The following GLDC variants were observed in gnomAD, a reference collection of about 807,000 sequenced individuals.
GLDC encodes glycine decarboxylase, also known as glycine dehydrogenase (decarboxylating), mitochondrial.
Under a neutral mutation model 121.3 loss-of-function variants are expected in GLDC, and 104 were observed. The observed-to-expected ratio is 0.86, with a 90% confidence interval of 0.73 to 1.01. GLDC has a LOEUF of 1.01. Ranked by LOEUF, GLDC falls within the 50% of genes least tolerant of loss-of-function variation. The probability of loss-of-function intolerance (pLI) is 0.00; values close to 1 mark genes in which losing one functional copy is unlikely to be tolerated. For synonymous variants in GLDC, 546 were observed against 480.6 expected (o/e 1.14, Z -1.78); for missense variants, 1,429 against 1,306.6 (o/e 1.09, Z -1.44).
chr9:6,568,574 G>A (rs1474781139), intron 15 of GLDC, among the ~76,000 whole-genome samples: 1 of 152,142 alleles, frequency 6.6e-6, no homozygotes, highest in Non-Finnish European at 1.5e-5. Context: ...CATGCCGGGC[G>A]TGGTGGCTCA....
At chr9:6,555,844 C>G (rs1159747755) in intron 18 of GLDC, among the ~76,000 whole-genome samples, 1 of 152,032 alleles carries the variant, frequency 6.6e-6, no homozygotes, top group African/African-American at 2.4e-5. Flanking sequence ...ATAAGAGTCT[C>G]AAAAAGATTG....
Position 6,550,814 on chromosome 9 carries a change from C to T in GLDC, c.2558G>A (p.Arg853Lys). ...AAGTTGATACTTGCCTCTTGCACCC[C>T]TGAAAAGAATTCTGTAGTGTGTTTC... is the stretch of plus-strand genomic sequence containing the variant. ...RLETHYRILF[R>K]GARGYVGHEF... Residue 853 changes from arginine (R) to lysine (K), a missense_variant, in exon 21 of 25, where the codon AGG becomes AAG. Arg to Lys is a conservative substitution (Grantham distance 26, BLOSUM62 2). Coordinates refer to ENST00000321612, the MANE Select transcript of GLDC (RefSeq NM_000170.3). 6.2e-7 allele frequency: 1 copy of T among 1,609,576 alleles called. No individual in the cohort carries two copies. Among genetic ancestry groups the T allele is most frequent in the Non-Finnish European group, 8.5e-7 (1 of 1,175,908 alleles).
chr9:6,575,459 T>A (rs62568993), intron 15 of GLDC, among the ~76,000 whole-genome samples: 1 of 152,118 alleles, frequency 6.6e-6, no homozygotes, highest in Non-Finnish European at 1.5e-5. Flanking sequence ...TCTGGGGCCC[T>A]ACTCCAGACT....
rs1818463300 is a variant in GLDC at position 6,594,997 on chromosome 9, A to C, written c.1261+17T>G. On this transcript the variant is annotated intron_variant, in intron 9 of 24. Coordinates refer to ENST00000321612, the MANE Select transcript of GLDC (RefSeq NM_000170.3). ...ATTTTATTATGCCCAAATGTTTTAG[A>C]CAGATTACCAACTCACCTTCTGACA... 1 of 1,420,894 alleles carries C rather than the reference A, an allele frequency of 7.0e-7. No individual in the cohort carries two copies. Among genetic ancestry groups the C allele is most frequent in the African/African-American group, 1.4e-5 (1 of 71,240 alleles). The allele number at this position is 1,420,894 out of a possible 1,614,324, so 88.0% of individuals were successfully genotyped here. A position where few individuals can be genotyped will look rare whatever the true frequency, so the allele number is the denominator to read the frequency against.
rs890204898 is a variant in GLDC at position 6,561,173 on chromosome 9, A to T, written c.1927-2489T>A. On this transcript the variant is annotated intron_variant, in intron 16 of 24. Transcript: ENST00000321612. The stretch of plus-strand genomic sequence containing the variant: ...TGTTTTAAGCCACTAAGCCTGTAGA[A>T]ATTTATCATAGCAGCCATAGGAAAC... Among the ~76,000 whole-genome samples, 28 of 152,334 alleles carry T rather than the reference A, an allele frequency of 1.8e-4. 1 individual carries two copies. The highest frequency in any genetic ancestry group is 6.7e-4 in the African/African-American group (28 of 41,576).
At chr9:6,556,799 AAAAAAAG>A (rs1288702052) in intron 17 of GLDC, among the ~76,000 whole-genome samples, 1 of 151,926 alleles carries the variant, frequency 6.6e-6, no homozygotes, top group Non-Finnish European at 1.5e-5. Flanking sequence ...ACGTCAAAAA[AAAAAAAG>A]AAAAAAGAAA....
chr9:6,575,634 C>G (rs1329648034), intron 15 of GLDC, among the ~76,000 whole-genome samples: 1 of 152,220 alleles, frequency 6.6e-6, no homozygotes, highest in Non-Finnish European at 1.5e-5. Flanking sequence ...CCACCTCCGT[C>G]TACATTAACA....
chr9:6,599,184 CAA>C (rs1312853704), intron 8 of GLDC, among the ~76,000 whole-genome samples: 18 of 115,876 alleles, frequency 1.6e-4, no homozygotes, highest in Non-Finnish European at 1.7e-4. Context: ...GACTCCGTCT[CAA>C]AAAAAAAAAA....
At chr9:6,569,456 A>G (rs1481131334) in intron 15 of GLDC, 1 of 151,978 alleles carries the variant, frequency 6.6e-6, no homozygotes, top group Non-Finnish European at 1.5e-5. Context: ...GTTCGAGACC[A>G]GCCTGGATAA....
intron 2 of GLDC, among the ~76,000 whole-genome samples, chr9:6,627,888 C>T (rs1359640325): frequency 6.6e-6 from 1 of 152,150 alleles, no homozygotes; most frequent in Non-Finnish European, 1.5e-5. Context: ...TTTCTCAGAC[C>T]CACTCATGAA....
Position 6,645,599 on chromosome 9 carries a change from G to T in GLDC, c.-100C>A. On this transcript the variant is annotated 5_prime_UTR_variant, in exon 1 of 25. Coordinates refer to ENST00000321612, the MANE Select transcript of GLDC (RefSeq NM_000170.3). Reference sequence around the variant, plus strand: ...CCCGGGTGGCGGCTGCGCCCGGCCTGGAGCCCCTTTCGCTGGACAGTCGGC... The same window carrying T: ...CCCGGGTGGCGGCTGCGCCCGGCCTTGAGCCCCTTTCGCTGGACAGTCGGC... 1 of 877,328 alleles carries T rather than the reference G, an allele frequency of 1.1e-6. No homozygotes were observed. Among genetic ancestry groups the T allele is most frequent in the South Asian group, 3.4e-5 (1 of 29,306 alleles). 54.3% of individuals were successfully genotyped at this position (877,328 alleles called of 1,614,324 possible).
chr9:6,599,444 C>A (rs1453881981), intron 8 of GLDC, among the ~76,000 whole-genome samples: 1 of 152,036 alleles, frequency 6.6e-6, no homozygotes, highest in Non-Finnish European at 1.5e-5. Context: ...ACCATGTGGC[C>A]AGGCATGGCG....
In GLDC at chr9:6,532,845, C is replaced by G. The variant is rs1361716575; in HGVS notation, c.*172G>C. ...AGCAAATCCGTCTTCCAACCATCAG[C>G]TTCGACTCCCTCCAGCTACTGTATT... On this transcript the variant is annotated 3_prime_UTR_variant, in exon 25 of 25. Transcript: ENST00000321612. 45 of 662,444 alleles carry G rather than the reference C, an allele frequency of 6.8e-5. No homozygotes were observed. Among genetic ancestry groups the G allele is most frequent in the Non-Finnish European group, 1.1e-4 (41 of 367,484 alleles). The allele number at this position is 662,444 out of a possible 1,614,324, so 41.0% of individuals were successfully genotyped here. A position where few individuals can be genotyped will look rare whatever the true frequency, so the allele number is the denominator to read the frequency against.
intron 3 of GLDC, 35 bp downstream of exon 3, chr9:6,620,149 C>T (rs772751224): frequency 6.2e-6 from 10 of 1,604,002 alleles, no homozygotes; most frequent in Non-Finnish European, 8.5e-6. Context: ...ATGCAAATCA[C>T]AGTCATCCTG....
intron 11 of GLDC, among the ~76,000 whole-genome samples, chr9:6,590,623 C>T (rs552779304): frequency 6.6e-6 from 1 of 152,196 alleles, no homozygotes; most frequent in Non-Finnish European, 1.5e-5. Context: ...GCAAACGCTT[C>T]TTGCACAGCA....
chr9:6,605,306 C>A lies in GLDC; in HGVS notation c.714-28G>T, dbSNP rs554324461. 1.8e-5 allele frequency: 29 copies of A among 1,611,496 alleles called. No homozygotes were observed. The East Asian group carries it at 3.6e-4, about 20-fold the overall frequency. On this transcript the variant is annotated intron_variant, in intron 5 of 24. Coordinates refer to ENST00000321612, the MANE Select transcript of GLDC (RefSeq NM_000170.3). ...GGAAAGACAGACAACAAAGAACAAT[C>A]GTGCTTTCGGTTTATAAGGGAAAAT... is the stretch of plus-strand genomic sequence containing the variant.
chr9:6,587,406 A>T, intron 14 of GLDC, 123 bp from the exon 15 acceptor site: 1 of 735,078 alleles, frequency 1.4e-6, no homozygotes, highest in Non-Finnish European at 2.3e-6. Flanking sequence ...AGCGCTATAC[A>T]TATGTTAATT....
At chr9:6,643,507 T>A (rs1274632872) in intron 2 of GLDC, among the ~76,000 whole-genome samples, 1 of 146,156 alleles carries the variant, frequency 6.8e-6, no homozygotes, top group Non-Finnish European at 1.5e-5. Context: ...AGTATCTCCA[T>A]GATTGAAAGT....
intron 21 of GLDC, chr9:6,542,199 C>T (rs1294443372): frequency 6.6e-6 from 1 of 152,274 alleles, no homozygotes; most frequent in African/African-American, 2.4e-5. Flanking sequence ...AAGATCATGC[C>T]ACTGCACTCC....
Sources: gnomAD v4.1 joint callset for allele counts (sites outside exome capture counted in the v4.1 genomes callset) on GRCh38, gnomAD v4.1.1 for gene constraint, MANE v1.5 for transcripts, NCBI Gene and HGNC (gene_info 2026-07-23, HGNC 2026-07-21) for gene names.